ATRNL1: variants seen among roughly 807,000 people sequenced by gnomAD.
The protein encoded by ATRNL1 is attractin like 1.
Under a neutral mutation model 182.7 loss-of-function variants are expected in ATRNL1, and 95 were observed. The ratio of observed to expected loss-of-function variants is 0.52; its 90% confidence interval spans 0.44 to 0.62. The LOEUF (loss-of-function observed/expected upper bound fraction) is 0.62, where lower values mean the gene tolerates loss of function less well. Among genes scored for constraint, ATRNL1 ranks in the 20% least tolerant of loss-of-function variants. The pLI is 0.00. For missense variants in ATRNL1, 1,471 were observed against 1,679.5 expected, an observed-to-expected ratio of 0.88 and a Z score of 2.17; for synonymous variants, 576 against 568.3, an observed-to-expected ratio of 1.01 and a Z score of -0.19.
intron 26 of ATRNL1, among the ~76,000 whole-genome samples, chr10:115,691,089 A>G (rs1292772054): frequency 1.3e-5 from 2 of 152,042 alleles, no homozygotes; most frequent in African/African-American, 4.8e-5. Flanking sequence ...TCAAGGTATG[A>G]TTATCTATTC....
At chr10:115,752,597 A>G (rs1948478180) in intron 27 of ATRNL1, among the ~76,000 whole-genome samples, 1 of 152,046 alleles carries the variant, frequency 6.6e-6, no homozygotes. Context: ...TATCACCAGG[A>G]CATTCATAGT....
intron 20 of ATRNL1, among the ~76,000 whole-genome samples, chr10:115,426,024 C>T (rs561764864): frequency 7.0e-4 from 107 of 152,026 alleles, no homozygotes; most frequent in Non-Finnish European, 1.4e-3. Flanking sequence ...TGTTTATTTT[C>T]TTTTTCTTCA....
intron 19 of ATRNL1, among the ~76,000 whole-genome samples, chr10:115,375,809 A>G (rs1009290774): frequency 2.0e-5 from 3 of 152,126 alleles, no homozygotes; most frequent in Non-Finnish European, 4.4e-5. Flanking sequence ...TATTATGACT[A>G]TAGATACTTC....
rs1188656516 is a variant in ATRNL1 at position 115,948,611 on chromosome 10, G to A, written c.*3832G>A. On this transcript the variant is annotated 3_prime_UTR_variant, in exon 29 of 29. Coordinates refer to ENST00000355044, the MANE Select transcript of ATRNL1 (RefSeq NM_207303.4). ...AGCTCCTCAGTGCTTCTTACCATTAGGCAAATTAGGGAAACACTGCATTGG... is the reference window on the plus strand; with the variant it reads ...AGCTCCTCAGTGCTTCTTACCATTAAGCAAATTAGGGAAACACTGCATTGG... 6.6e-6 allele frequency: 1 copy of A among 152,112 alleles called. No homozygotes were observed. The highest frequency in any genetic ancestry group is 1.5e-5 in the Non-Finnish European group (1 of 68,032). 9.4% of individuals were successfully genotyped at this position (152,112 alleles called of 1,614,324 possible). A position where few individuals can be genotyped will look rare whatever the true frequency, so the allele number is the denominator to read the frequency against.
intron 18 of ATRNL1, among the ~76,000 whole-genome samples, chr10:115,327,404 G>C (rs74704178): frequency 1.3e-5 from 2 of 152,184 alleles, no homozygotes; most frequent in African/African-American, 4.8e-5. Flanking sequence ...TCACACCAGT[G>C]AGAATAGCAG....
intron 22 of ATRNL1, among the ~76,000 whole-genome samples, chr10:115,466,764 A>T (rs1848070784): frequency 6.6e-6 from 1 of 151,134 alleles, no homozygotes; most frequent in Non-Finnish European, 1.5e-5. Context: ...GAAGTCTTTT[A>T]AAAAAATAAT....
chr10:115,802,786 A>G (rs376733931), intron 27 of ATRNL1, among the ~76,000 whole-genome samples: 1 of 152,206 alleles, frequency 6.6e-6, no homozygotes, highest in African/African-American at 2.4e-5. Flanking sequence ...TCAGAAGCCT[A>G]TAAGGCTAAT....
intron 21 of ATRNL1, among the ~76,000 whole-genome samples, chr10:115,449,189 C>G (rs1338251548): frequency 1.3e-5 from 2 of 152,160 alleles, no homozygotes; most frequent in Admixed American, 1.3e-4. Flanking sequence ...TCCCCTGATT[C>G]TGTACCCATA....
At chr10:115,577,295 G>T (rs1388888641) in intron 26 of ATRNL1, among the ~76,000 whole-genome samples, 1 of 151,642 alleles carries the variant, frequency 6.6e-6, no homozygotes, top group African/African-American at 2.4e-5. Context: ...GGATTATGTT[G>T]AATCTGCAGA....
chr10:115,806,152 A>G (rs1044604899), intron 27 of ATRNL1, among the ~76,000 whole-genome samples: 1 of 152,098 alleles, frequency 6.6e-6, no homozygotes, highest in Non-Finnish European at 1.5e-5. Context: ...TGTTTCTTGG[A>G]TTCCTTTTAC....
chr10:115,585,527 CT>C (rs1555009630), intron 26 of ATRNL1, among the ~76,000 whole-genome samples: 1 of 117,686 alleles, frequency 8.5e-6, no homozygotes, highest in Non-Finnish European at 1.8e-5. Context: ...CTCTTTTGAT[CT>C]TTGTTGATTT....
At chr10:115,775,410 A>C (rs895171471) in intron 27 of ATRNL1, among the ~76,000 whole-genome samples, 1 of 152,222 alleles carries the variant, frequency 6.6e-6, no homozygotes, top group African/African-American at 2.4e-5. Context: ...GACTTCAAGA[A>C]ACATTTTTTC....
intron 8 of ATRNL1, among the ~76,000 whole-genome samples, chr10:115,211,932 A>G (rs1849042523): frequency 6.6e-6 from 1 of 151,832 alleles, no homozygotes; most frequent in Non-Finnish European, 1.5e-5. Context: ...TTATTGTCCT[A>G]AGGGTCTCTG....
intron 17 of ATRNL1, among the ~76,000 whole-genome samples, chr10:115,307,763 C>G (rs540529703): frequency 6.6e-6 from 1 of 152,132 alleles, no homozygotes; most frequent in African/African-American, 2.4e-5. Context: ...GAAGAAATGC[C>G]AGGAAGTACA....
chr10:115,209,421 TG>T (rs1229429641), intron 8 of ATRNL1, among the ~76,000 whole-genome samples: 3 of 148,838 alleles, frequency 2.0e-5, no homozygotes, highest in Non-Finnish European at 4.5e-5. Context: ...TTTTTTATTT[TG>T]TTTTTTTTTT....
chr10:115,235,630 A>G (rs573343102), intron 9 of ATRNL1, among the ~76,000 whole-genome samples: 6 of 152,116 alleles, frequency 3.9e-5, no homozygotes, highest in South Asian at 2.1e-4. Flanking sequence ...TTAAAAATCT[A>G]TTTGTCAATT....
chr10:115,864,148 A>C (rs908465403), intron 28 of ATRNL1, among the ~76,000 whole-genome samples: 1 of 152,118 alleles, frequency 6.6e-6, no homozygotes, highest in Non-Finnish European at 1.5e-5. Context: ...AGTTCCAGCT[A>C]TTCAAGAGGC....
chr10:115,659,680 A>G (rs994482345), intron 26 of ATRNL1, among the ~76,000 whole-genome samples: 1 of 152,142 alleles, frequency 6.6e-6, no homozygotes, highest in African/African-American at 2.4e-5. Flanking sequence ...GGAACTTCAT[A>G]AAAAAGGTTC....
chr10:115,215,681 T>G lies in ATRNL1; in HGVS notation c.1349-16T>G. ...ATACTACTTGAAATTTATAATGTAT[T>G]TTATTTCTGTTACAGCATCAAACAC... On this transcript the variant is annotated splice_polypyrimidine_tract_variant and intron_variant, in intron 8 of 28. Coordinates refer to ENST00000355044, the MANE Select transcript of ATRNL1 (RefSeq NM_207303.4). 2 of 1,560,312 alleles carry G rather than the reference T, an allele frequency of 1.3e-6. No individual in the cohort carries two copies. The highest frequency in any genetic ancestry group is 1.7e-6 in the Non-Finnish European group (2 of 1,159,118).
Sources: gnomAD v4.1 joint callset for allele counts (sites outside exome capture counted in the v4.1 genomes callset) on GRCh38, gnomAD v4.1.1 for gene constraint, MANE v1.5 for transcripts, NCBI Gene and HGNC (gene_info 2026-07-23, HGNC 2026-07-21) for gene names.